The following RBMS3 variants were observed in gnomAD, a reference collection of about 807,000 sequenced individuals.
RBMS3 encodes the protein RNA binding motif single stranded interacting protein 3.
In RBMS3, 27 loss-of-function variants were observed where a neutral mutation model predicts 66.8. The observed-to-expected ratio is 0.40, with a 90% confidence interval of 0.30 to 0.56. RBMS3 has a LOEUF of 0.56. Among genes scored for constraint, RBMS3 ranks in the 20% least tolerant of loss-of-function variants. The pLI is 0.40. For missense variants in RBMS3, 513 were observed against 549.5 expected (o/e 0.93, Z 0.66); for synonymous variants, 188 against 183.0 (o/e 1.03, Z -0.22).
chr3:29,679,269 C>T (rs545767361), intron 4 of RBMS3, among the ~76,000 whole-genome samples: 11 of 152,110 alleles, frequency 7.2e-5, no homozygotes, highest in East Asian at 1.9e-4. Flanking sequence ...ATTTATTTTT[C>T]GACTCAACAT....
At chr3:29,920,042 A>G (rs9820503) in intron 10 of RBMS3, among the ~76,000 whole-genome samples, 17,129 of 152,064 alleles carry the variant, frequency 0.11, 2,156 homozygotes, top group African/African-American at 0.31. Flanking sequence ...CGTACTTAGG[A>G]AAAAATTGTC....
At chr3:29,860,211 C>A (rs1194867857) in intron 6 of RBMS3, among the ~76,000 whole-genome samples, 1 of 152,166 alleles carries the variant, frequency 6.6e-6, no homozygotes, top group Admixed American at 6.5e-5. Flanking sequence ...GGAGCAAGTA[C>A]AAAAGCAGTT....
At chr3:29,597,229 T>C (rs1216304322) in intron 4 of RBMS3, among the ~76,000 whole-genome samples, 1 of 152,222 alleles carries the variant, frequency 6.6e-6, no homozygotes, top group African/African-American at 2.4e-5. Context: ...GTAGCTATAA[T>C]TTTTCCATGG....
At chr3:29,729,091 G>A (rs1301045313) in intron 4 of RBMS3, among the ~76,000 whole-genome samples, 8 of 150,792 alleles carry the variant, frequency 5.3e-5, no homozygotes, top group Admixed American at 4.0e-4. Context: ...CCATCAGCTT[G>A]TCATTTACAT....
chr3:29,883,170 G>T (rs947503726), intron 7 of RBMS3, among the ~76,000 whole-genome samples: 9 of 152,034 alleles, frequency 5.9e-5, no homozygotes, highest in African/African-American at 2.2e-4. Flanking sequence ...ACAAAGGATG[G>T]TATGCCCATA....
chr3:29,552,994 A>C (rs1367184115), intron 3 of RBMS3, among the ~76,000 whole-genome samples: 2 of 152,168 alleles, frequency 1.3e-5, no homozygotes, highest in Non-Finnish European at 2.9e-5. Context: ...TTACTACTCT[A>C]ATCTCAGTTT....
intron 10 of RBMS3, among the ~76,000 whole-genome samples, chr3:29,915,972 T>C (rs865851605): frequency 3.3e-5 from 5 of 152,160 alleles, no homozygotes; most frequent in Middle Eastern, 6.8e-3. Context: ...GCTCTGTTAC[T>C]GCAATCACCC....
intron 3 of RBMS3, among the ~76,000 whole-genome samples, chr3:29,550,741 A>T (rs35898): frequency 6.6e-6 from 1 of 151,944 alleles, no homozygotes; most frequent in African/African-American, 2.4e-5. Flanking sequence ...AAATGGGAGC[A>T]CTGTGTTTTA....
chr3:29,679,257 GTATT>G (rs1355100999), intron 4 of RBMS3, among the ~76,000 whole-genome samples: 1 of 152,070 alleles, frequency 6.6e-6, no homozygotes, highest in Non-Finnish European at 1.5e-5. Flanking sequence ...TGAGCTTCTT[GTATT>G]TATTTTTCGA....
intron 6 of RBMS3, among the ~76,000 whole-genome samples, chr3:29,811,489 G>A (rs1485648263): frequency 6.6e-6 from 1 of 152,140 alleles, no homozygotes; most frequent in Non-Finnish European, 1.5e-5. Context: ...CTAGGTTCTT[G>A]AGATTCATTA....
intron 10 of RBMS3, among the ~76,000 whole-genome samples, chr3:29,904,099 A>G (rs1035222157): frequency 2.6e-4 from 40 of 152,016 alleles, no homozygotes; most frequent in Non-Finnish European, 4.3e-4. Flanking sequence ...TAATTACTGT[A>G]GAAAATAGTC....
rs140383592 is a variant in RBMS3 at position 29,992,219 on chromosome 3, A to G, written c.1307+1010A>G. Among the ~76,000 whole-genome samples the G allele has an allele frequency of 2.0e-3, 310 of 152,330 alleles. 4 individuals are homozygous for G. The highest frequency in any genetic ancestry group is 6.8e-3 in the African/African-American group (281 of 41,572). ...TATTAAAGAAAAAAAATATTCTGATATTTGTTAAAACATTAAGAAATAATT... is the reference window on the plus strand; with the variant it reads ...TATTAAAGAAAAAAAATATTCTGATGTTTGTTAAAACATTAAGAAATAATT... On this transcript the variant is annotated intron_variant, in intron 14 of 14. Coordinates refer to ENST00000383767, the MANE Select transcript of RBMS3 (RefSeq NM_001003793.3).
chr3:29,371,188 T>C (rs559788791), intron 1 of RBMS3, among the ~76,000 whole-genome samples: 2 of 152,334 alleles, frequency 1.3e-5, no homozygotes, highest in Non-Finnish European at 2.9e-5. Context: ...TACCTGTGGT[T>C]TCTGCCACCC....
At chr3:29,926,831 G>A (rs974391604) in intron 10 of RBMS3, 2 of 152,098 alleles carry the variant, frequency 1.3e-5, no homozygotes, top group African/African-American at 2.4e-5. Context: ...GTGTTTGGAG[G>A]TATACAAAGT....
chr3:29,824,810 ATTTG>A (rs2058164560), intron 6 of RBMS3, among the ~76,000 whole-genome samples: 1 of 152,174 alleles, frequency 6.6e-6, no homozygotes, highest in African/African-American at 2.4e-5. Flanking sequence ...GTAATGCTTT[ATTTG>A]TTTTCATAAA....
intron 1 of RBMS3, among the ~76,000 whole-genome samples, chr3:29,300,441 CG>C (rs2033597514): frequency 6.6e-6 from 1 of 151,826 alleles, no homozygotes; most frequent in Non-Finnish European, 1.5e-5. Flanking sequence ...AAATGAATGA[CG>C]TTTTATCTTT....
chr3:29,566,474 C>T (rs2046745622), intron 3 of RBMS3, among the ~76,000 whole-genome samples: 1 of 152,058 alleles, frequency 6.6e-6, no homozygotes. Flanking sequence ...CTGCACTGTT[C>T]TACATGATAC....
At chr3:29,902,190 G>A (rs1453338609) in intron 10 of RBMS3, among the ~76,000 whole-genome samples, 1 of 151,758 alleles carries the variant, frequency 6.6e-6, no homozygotes, top group African/African-American at 2.4e-5. Flanking sequence ...TTTCTCATCT[G>A]TAACATGGAC....
At chr3:29,729,411 A>T (rs759699972) in intron 4 of RBMS3, among the ~76,000 whole-genome samples, 33 of 152,034 alleles carry the variant, frequency 2.2e-4, no homozygotes, top group Non-Finnish European at 4.6e-4. Context: ...GGTTGATTCC[A>T]AGTCTTTGCT....
Sources: gnomAD v4.1 joint callset for allele counts (sites outside exome capture counted in the v4.1 genomes callset) on GRCh38, gnomAD v4.1.1 for gene constraint, MANE v1.5 for transcripts, NCBI Gene and HGNC (gene_info 2026-07-23, HGNC 2026-07-21) for gene names.